The following MAP3K10 variants were observed in gnomAD, a reference collection of about 807,000 sequenced individuals.
The protein encoded by MAP3K10 is MKN28 derived nonreceptor_type serine/threonine kinase.
MAP3K10 carries 22 observed loss-of-function variants against 75.0 expected under a neutral mutation model. The ratio of observed to expected loss-of-function variants is 0.29; its 90% CI spans 0.21 to 0.42. The LOEUF (loss-of-function observed/expected upper bound fraction) is 0.42, where lower values mean the gene tolerates loss of function less well. Ranked by LOEUF, MAP3K10 falls within the 10% of genes least tolerant of loss-of-function variation. The pLI, the probability that MAP3K10 is intolerant of heterozygous loss-of-function variation, is 1.00. For synonymous variants in MAP3K10, 599 were observed against 612.9 expected (o/e 0.98, Z 0.34); for missense variants, 1,165 against 1,379.8 (o/e 0.84, Z 2.47).
intron 1 of MAP3K10, among the ~76,000 whole-genome samples, chr19:40,193,204 C>T (rs1972849747): frequency 6.6e-6 from 1 of 152,162 alleles, no homozygotes; most frequent in Non-Finnish European, 1.5e-5. Context: ...CACTAGATGT[C>T]ATTAGCATTC....
Position 40,213,980 on chromosome 19 carries a change from C to A in MAP3K10, c.2301C>A (p.Asp767Glu). 6.5e-7 allele frequency: 1 copy of A among 1,531,318 alleles called. No homozygotes were observed. 94.9% of individuals were successfully genotyped at this position (1,531,318 alleles called of 1,614,324 possible). A position where few individuals can be genotyped will look rare whatever the true frequency, so the allele number is the denominator to read the frequency against. Residue 767 changes from aspartate to glutamate, a missense_variant, in exon 9 of 10, where the codon GAC becomes GAA. Asp to Glu is a conservative substitution (Grantham distance 45). Transcript: ENST00000253055. This position sits in a 1 kb window ranked among gnomAD's most constrained non-coding sequence, Gnocchi z 5.7. ...GTTCACTGCTGCGCTCTGACAGTGA[C>A]GAGGCCGCACCGGCCGCGCCCTCCC... is the stretch of plus-strand genomic sequence containing the variant. ...STRSLLRSDS[D>E]EAAPAAPSPP...
chr19:40,199,783 A>G (rs1197605889), intron 2 of MAP3K10, among the ~76,000 whole-genome samples: 1 of 151,948 alleles, frequency 6.6e-6, no homozygotes, highest in East Asian at 1.9e-4. Context: ...GGAATTTGAG[A>G]CCAGCCTGGT....
intron 2 of MAP3K10, among the ~76,000 whole-genome samples, chr19:40,199,340 G>A (rs1311051113): frequency 6.6e-6 from 1 of 152,134 alleles, no homozygotes; most frequent in Non-Finnish European, 1.5e-5. Context: ...AATTTTTAAA[G>A]ACAAGTACAC....
Position 40,204,522 on chromosome 19 carries a change from G to T in MAP3K10, c.901G>T (p.Val301Phe). ...GCTGTGGGAGCTGCTGACGGGGGAG[G>T]TCCCCTACCGTGAGATCGACGCCTT... Reference protein sequence around the residue: ...VLLWELLTGEVPYREIDALAV... With the variant: ...VLLWELLTGEFPYREIDALAV... Residue 301 changes from valine (V) to phenylalanine (F), a missense_variant, in exon 3 of 10, where the codon GTC becomes TTC. Val to Phe is a conservative substitution (Grantham distance 50, BLOSUM62 -1). Coordinates refer to ENST00000253055, the MANE Select transcript of MAP3K10 (RefSeq NM_002446.4). This position sits in a 1 kb window ranked among gnomAD's most constrained non-coding sequence, Gnocchi z 4.3. 5.0e-6 allele frequency: 8 copies of T among 1,613,902 alleles called. No individual in the cohort carries two copies. The highest frequency in any genetic ancestry group is 5.9e-6 in the Non-Finnish European group (7 of 1,179,940).
At chr19:40,199,428 C>T (rs1044176974) in intron 2 of MAP3K10, among the ~76,000 whole-genome samples, 12 of 152,178 alleles carry the variant, frequency 7.9e-5, no homozygotes, top group Non-Finnish European at 1.2e-4. Context: ...CTTTTGGGAA[C>T]GCTTCTCTGA....
chr19:40,214,161 A>G lies in MAP3K10; in HGVS notation c.2482A>G (p.Thr828Ala). ...ACAVSRGHRRTPSDGALGQRG... is the reference protein window; with the variant it reads ...ACAVSRGHRRAPSDGALGQRG... ...CGCTGTGAGCCGCGGGCACCGGCGG[A>G]CGCCATCGGACGGGGCGCTGGGGCA... Residue 828 changes from threonine to alanine, a missense_variant, in exon 9 of 10, where the codon ACG becomes GCG. By Grantham distance (58) the Thr-to-Ala change is moderately conservative. Transcript: ENST00000253055. 1.3e-6 allele frequency: 2 copies of G among 1,521,600 alleles called. No individual in the cohort carries two copies. The highest frequency in any genetic ancestry group is 8.7e-7 in the Non-Finnish European group (1 of 1,143,072). The allele number at this position is 1,521,600 out of a possible 1,614,324, so 94.3% of individuals were successfully genotyped here.
At position 40,204,042 on chromosome 19, in the gene MAP3K10, C is replaced by T. The variant is rs1336794715; in HGVS notation, c.864-443C>T. Among the ~76,000 whole-genome samples the T allele has an allele frequency of 6.6e-6, 1 of 152,118 alleles. No individual in the cohort carries two copies. The highest frequency in any genetic ancestry group is 2.4e-5 in the African/African-American group (1 of 41,442). ...TGTTTGGAAGTGAGGCTGCAGGGGT[C>T]ATCAAAGGCCAGGGCCAAGAAGGAT... is the stretch of plus-strand genomic sequence containing the variant. On this transcript the variant is annotated intron_variant, in intron 2 of 9. Transcript: ENST00000253055. The surrounding 1 kb of genome is among the most constrained non-coding windows in gnomAD (Gnocchi z 4.3).
At position 40,213,758 on chromosome 19, in the gene MAP3K10, G is replaced by T. The variant is rs1973287758; in HGVS notation, c.2079G>T (p.Glu693Asp). ...GAVGLGADVA[E>D]ARAADGEEQR... ...TGGGCCTGGGCGCCGACGTGGCCGA[G>T]GCGCGCGCGGCCGACGGTGAGGAGC... Residue 693 changes from glutamate to aspartate, a missense_variant, in exon 9 of 10, where the codon GAG becomes GAT. Around this residue, in one of 2 missense-constraint regions of MAP3K10, gnomAD observed 590 missense variants for 586.6 expected, o/e 1.01. Transcript: ENST00000253055. The surrounding 1 kb of genome is among the most constrained non-coding windows in gnomAD (Gnocchi z 5.7). 5 of 1,115,036 alleles carry T rather than the reference G, an allele frequency of 4.5e-6. No individual in the cohort carries two copies. The Admixed American group carries it at 2.1e-4, about 47-fold the overall frequency. The allele number at this position is 1,115,036 out of a possible 1,614,324, so 69.1% of individuals were successfully genotyped here.
At position 40,209,303 on chromosome 19, in the gene MAP3K10, C is replaced by T. The variant is rs1190091358; in HGVS notation, c.1552+84C>T. 8 of 984,102 alleles carry T rather than the reference C, an allele frequency of 8.1e-6. No individual in the cohort carries two copies. The African/African-American group carries it at 9.6e-5, about 12-fold the overall frequency. 61.0% of individuals were successfully genotyped at this position (984,102 alleles called of 1,614,324 possible). A position where few individuals can be genotyped will look rare whatever the true frequency, so the allele number is the denominator to read the frequency against. On this transcript the variant is annotated intron_variant, in intron 6 of 9. Transcript: ENST00000253055. The stretch of plus-strand genomic sequence containing the variant: ...ACGATGTTTATACCTGGCACCAAGC[C>T]AGAGTAACAGCAAGAAAGAAGACAG...
In MAP3K10 at chr19:40,205,168, T is replaced by C. The variant is rs769185410; in HGVS notation, c.1060T>C (p.Leu354=). ...PHGRPDFGSI[L]KRLEVIEQSA... ...CGGGCGGCCAGATTTCGGTAGCATC[T>C]TGAAGCGGCTTGAAGTCATCGAACA... The change falls in exon 4 of 10, where the codon TTG becomes CTG. Residue 354 remains leucine, a synonymous_variant. Coordinates refer to ENST00000253055, the MANE Select transcript of MAP3K10 (RefSeq NM_002446.4). This position sits in a 1 kb window ranked among gnomAD's most constrained non-coding sequence, Gnocchi z 4.3. 2.5e-6 allele frequency: 4 copies of C among 1,614,000 alleles called. No individual in the cohort carries two copies. Among genetic ancestry groups the C allele is most frequent in the East Asian group, 4.5e-5 (2 of 44,882 alleles).
intron 9 of MAP3K10, 81 bp downstream of exon 9, chr19:40,214,302 C>A (rs771378327): frequency 6.3e-5 from 84 of 1,339,128 alleles, no homozygotes; most frequent in Non-Finnish European, 7.5e-5. Flanking sequence ...AGCCCAGCCA[C>A]GACCCCTCAG....
rs755866907 is a variant in MAP3K10, at chr19:40,213,987, G to T, written c.2308G>T (p.Ala770Ser). 5 of 1,526,920 alleles carry T rather than the reference G, an allele frequency of 3.3e-6. No individual in the cohort carries two copies. The highest frequency in any genetic ancestry group is 8.7e-7 in the Non-Finnish European group (1 of 1,143,252). 94.6% of individuals were successfully genotyped at this position (1,526,920 alleles called of 1,614,324 possible). ...SLLRSDSDEA[A>S]PAAPSPPPSP... is the part of the protein sequence containing the mutation. ...GCTGCGCTCTGACAGTGACGAGGCC[G>T]CACCGGCCGCGCCCTCCCCACCACC... The change falls in exon 9 of 10, where the codon GCA (alanine) becomes TCA (serine). Residue 770 changes from alanine (A) to serine (S), a missense_variant. Around this residue, in one of 2 missense-constraint regions of MAP3K10, gnomAD observed 590 missense variants for 586.6 expected, o/e 1.01. Coordinates refer to ENST00000253055, the MANE Select transcript of MAP3K10 (RefSeq NM_002446.4). This position sits in a 1 kb window ranked among gnomAD's most constrained non-coding sequence, Gnocchi z 5.7.
chr19:40,194,710 C>T (rs1459854341), intron 1 of MAP3K10, among the ~76,000 whole-genome samples: 1 of 152,098 alleles, frequency 6.6e-6, no homozygotes, highest in African/African-American at 2.4e-5. Context: ...AGCGCCTCAT[C>T]TGCCATCATT....
Position 40,192,657 on chromosome 19 carries a change from A to G in MAP3K10, c.626A>G (p.Tyr209Cys). ...WAVQVARGMN[Y>C]LHNDAPVPII... ...GTGCAGGTGGCCCGGGGCATGAACT[A>G]CCTACACAATGATGCCCCTGTGCCC... Residue 209 changes from tyrosine to cysteine, a missense_variant, in exon 1 of 10, where the codon TAC becomes TGC. This residue lies in a region of MAP3K10 where 575 missense variants were observed against 793.2 expected (regional missense o/e 0.72). Transcript: ENST00000253055. This position sits in a 1 kb window ranked among gnomAD's most constrained non-coding sequence, Gnocchi z 7.1. 6.3e-7 allele frequency: 1 copy of G among 1,589,236 alleles called. No homozygotes were observed. The highest frequency in any genetic ancestry group is 8.6e-7 in the Non-Finnish European group (1 of 1,167,254).
intron 6 of MAP3K10, among the ~76,000 whole-genome samples, chr19:40,209,923 G>A (rs1250904909): frequency 6.6e-6 from 1 of 152,034 alleles, no homozygotes; most frequent in Non-Finnish European, 1.5e-5. Context: ...CTTGAGCCTA[G>A]GAGTTCGACA....
chr19:40,206,378 G>A (rs1973122636), intron 5 of MAP3K10: 2 of 462,296 alleles, frequency 4.3e-6, no homozygotes, highest in African/African-American at 2.0e-5. Context: ...AGACCAGCCT[G>A]GGCAACATAG....
chr19:40,205,534 C>G lies in MAP3K10; in HGVS notation c.1188+238C>G. On this transcript the variant is annotated intron_variant, in intron 4 of 9. Transcript: ENST00000253055. This position sits in a 1 kb window ranked among gnomAD's most constrained non-coding sequence, Gnocchi z 4.3. ...GATGTCTGGGGTTGGCTTTAAAATA[C>G]TACAGCAGAAACGAAGAGAGGGCAA... 1 of 562,328 alleles carries G rather than the reference C, an allele frequency of 1.8e-6. No homozygotes were observed. Among genetic ancestry groups the G allele is most frequent in the South Asian group, 2.5e-5 (1 of 40,140 alleles). 34.8% of individuals were successfully genotyped at this position (562,328 alleles called of 1,614,324 possible). A position where few individuals can be genotyped will look rare whatever the true frequency, so the allele number is the denominator to read the frequency against.
At chr19:40,196,886 G>C (rs1972917438) in intron 1 of MAP3K10, among the ~76,000 whole-genome samples, 1 of 152,144 alleles carries the variant, frequency 6.6e-6, no homozygotes, top group Non-Finnish European at 1.5e-5. Context: ...AATTCCTATA[G>C]AGAGCTTAGC....
At chr19:40,207,330 T>C (rs567510069) in intron 5 of MAP3K10, among the ~76,000 whole-genome samples, 1 of 152,262 alleles carries the variant, frequency 6.6e-6, no homozygotes, top group African/African-American at 2.4e-5. Context: ...CAGAAAGCAG[T>C]GCCTTAAGCA....
Sources: gnomAD v4.1 joint callset for allele counts (sites outside exome capture counted in the v4.1 genomes callset) on GRCh38, gnomAD v4.1.1 for gene constraint, gnomAD v4.1.1 regional missense constraint, Gnocchi (gnomAD v3.1) non-coding constraint, MANE v1.5 for transcripts, NCBI Gene and HGNC (gene_info 2026-07-23, HGNC 2026-07-21) for gene names.